The following MARCHF1 variants were observed in gnomAD, a reference collection of about 807,000 sequenced individuals.
The protein encoded by MARCHF1 is E3 ubiquitin-protein ligase MARCHF1.
In MARCHF1, 40 loss-of-function variants were observed where a neutral mutation model predicts 54.2. The observed-to-expected ratio is 0.74, with a 90% CI of 0.57 to 0.96. The LOEUF (loss-of-function observed/expected upper bound fraction) is 0.96, where lower values mean the gene tolerates loss of function less well. Ranked by LOEUF, MARCHF1 falls within the 40% of genes least tolerant of loss-of-function variation. The probability of loss-of-function intolerance (pLI) is 0.00; values close to 1 mark genes in which losing one functional copy is unlikely to be tolerated. For missense variants in MARCHF1, 586 were observed against 656.5 expected (o/e 0.89, Z 1.17); for synonymous variants, 236 against 236.3 (o/e 1.00, Z 0.01).
intron 3 of MARCHF1, among the ~76,000 whole-genome samples, chr4:163,960,561 A>G (rs1238052243): frequency 2.6e-5 from 4 of 151,970 alleles, no homozygotes; most frequent in Non-Finnish European, 5.9e-5. Context: ...AGGAATAGAA[A>G]ACAAAATACT....
chr4:163,737,164 CT>C (rs71925488), intron 4 of MARCHF1, among the ~76,000 whole-genome samples: 1,026 of 72,042 alleles, frequency 0.014, 42 homozygotes, highest in South Asian at 0.04. Context: ...TTTTTTCTTT[CT>C]TTTTTTTTTT....
chr4:163,557,534 A>T (rs531056470), intron 8 of MARCHF1, among the ~76,000 whole-genome samples: 1 of 152,194 alleles, frequency 6.6e-6, no homozygotes, highest in South Asian at 2.1e-4. Context: ...TCTATGTGAA[A>T]TTTTTTGAGA....
chr4:163,817,974 G>C (rs1439245842), intron 4 of MARCHF1, among the ~76,000 whole-genome samples: 51 of 109,366 alleles, frequency 4.7e-4, no homozygotes, highest in Non-Finnish European at 7.8e-4. Context: ...GGTGGGGGGA[G>C]GGGGGAGGGA....
chr4:163,955,446 C>T (rs1255401066), intron 3 of MARCHF1, among the ~76,000 whole-genome samples: 1 of 151,702 alleles, frequency 6.6e-6, no homozygotes, highest in Non-Finnish European at 1.5e-5. Context: ...GCAGAACACA[C>T]AGGCTTTCAG....
At chr4:164,346,029 T>C (rs1463651250) in intron 1 of MARCHF1, among the ~76,000 whole-genome samples, 1 of 152,152 alleles carries the variant, frequency 6.6e-6, no homozygotes, top group East Asian at 1.9e-4. Flanking sequence ...AAAATGAATG[T>C]TTTTCAGGCC....
intron 1 of MARCHF1, among the ~76,000 whole-genome samples, chr4:164,145,483 T>C (rs1034089231): frequency 3.3e-5 from 5 of 151,930 alleles, no homozygotes; most frequent in African/African-American, 1.2e-4. Flanking sequence ...CATGATCAAG[T>C]GGGCTTCATC....
intron 1 of MARCHF1, among the ~76,000 whole-genome samples, chr4:164,131,821 T>C (rs749852916): frequency 1.3e-5 from 2 of 152,140 alleles, no homozygotes; most frequent in Non-Finnish European, 2.9e-5. Flanking sequence ...TACATAAAAA[T>C]GTAATTTCTT....
intron 2 of MARCHF1, among the ~76,000 whole-genome samples, chr4:164,049,434 C>T (rs952256636): frequency 6.6e-6 from 1 of 151,116 alleles, no homozygotes; most frequent in Non-Finnish European, 1.5e-5. Context: ...GGAACAGATA[C>T]TATAATCTTT....
rs558155951 is a variant in MARCHF1 at position 164,195,373 on chromosome 4, G to A, written c.-322-83711C>T. Among the ~76,000 whole-genome samples the A allele has an allele frequency of 2.6e-5, 4 of 152,160 alleles. No homozygotes were observed. In the East Asian group the frequency reaches 5.8e-4, roughly 22 times the overall value. On this transcript the variant is annotated intron_variant, in intron 1 of 9. Transcript: ENST00000514618. Reference sequence around the variant, plus strand: ...TAAAAAGAGAAAATTTACTTTTTACGTTAATGGGAAATGTGATATTCAGAT... The same window carrying A: ...TAAAAAGAGAAAATTTACTTTTTACATTAATGGGAAATGTGATATTCAGAT...
chr4:163,843,070 C>T (rs1159374525), intron 4 of MARCHF1, among the ~76,000 whole-genome samples: 2 of 152,028 alleles, frequency 1.3e-5, no homozygotes, highest in African/African-American at 2.4e-5. Flanking sequence ...TTTGTGTCCA[C>T]GTGTATTCAG....
intron 4 of MARCHF1, among the ~76,000 whole-genome samples, chr4:163,702,646 G>A (rs1167158346): frequency 1.3e-5 from 2 of 152,106 alleles, no homozygotes; most frequent in African/African-American, 4.8e-5. Context: ...TTTACAATGT[G>A]TGAGTTCACC....
chr4:163,546,442 T>C (rs894907065), intron 8 of MARCHF1, among the ~76,000 whole-genome samples: 2 of 152,244 alleles, frequency 1.3e-5, no homozygotes, highest in African/African-American at 4.8e-5. Flanking sequence ...GGATTCTGCC[T>C]ATCACTTCCT....
In MARCHF1 at chr4:163,607,734, C is replaced by T. The variant is rs147531536; in HGVS notation, c.1010+4537G>A. 1.3e-3 allele frequency among the ~76,000 whole-genome samples: 200 copies of T among 152,146 alleles called. 2 individuals are homozygous for T. Among genetic ancestry groups the T allele is most frequent in the South Asian group, 6.8e-3 (33 of 4,820 alleles). On this transcript the variant is annotated intron_variant, in intron 7 of 9. Transcript: ENST00000514618. ...TCTCTTCCTATCTAAAGCATGGGAACGATTTGTAGCATAGAATAGTGTTTC... is the reference window on the plus strand; with the variant it reads ...TCTCTTCCTATCTAAAGCATGGGAATGATTTGTAGCATAGAATAGTGTTTC...
At chr4:164,241,868 ATG>A (rs1732771549) in intron 1 of MARCHF1, among the ~76,000 whole-genome samples, 1 of 152,188 alleles carries the variant, frequency 6.6e-6, no homozygotes, top group Admixed American at 6.5e-5. Flanking sequence ...GGGGTGACGG[ATG>A]GCACCTGGAA....
intron 5 of MARCHF1, among the ~76,000 whole-genome samples, chr4:163,658,471 C>T (rs1469585947): frequency 2.0e-5 from 3 of 151,996 alleles, no homozygotes; most frequent in Non-Finnish European, 4.4e-5. Flanking sequence ...ATTAGTTCAG[C>T]CAGTGTAGAA....
chr4:163,964,890 C>T (rs1158901352), intron 3 of MARCHF1, among the ~76,000 whole-genome samples: 1 of 151,910 alleles, frequency 6.6e-6, no homozygotes, highest in Admixed American at 6.6e-5. Context: ...TGATATTATT[C>T]TTGCATCAGC....
chr4:164,011,580 C>G (rs889269295), intron 2 of MARCHF1, among the ~76,000 whole-genome samples: 2 of 152,222 alleles, frequency 1.3e-5, no homozygotes, highest in Non-Finnish European at 1.5e-5. Flanking sequence ...CAAATATCAT[C>G]TCATCCCAGT....
At chr4:163,859,503 G>A (rs1213596159) in intron 3 of MARCHF1, among the ~76,000 whole-genome samples, 1 of 151,930 alleles carries the variant, frequency 6.6e-6, no homozygotes, top group Admixed American at 6.6e-5. Context: ...GGGATTACAG[G>A]TGCCTGCCAC....
chr4:163,931,249 G>T (rs768401181), intron 3 of MARCHF1, among the ~76,000 whole-genome samples: 2 of 152,048 alleles, frequency 1.3e-5, no homozygotes, highest in Non-Finnish European at 2.9e-5. Flanking sequence ...CCTGTCTATG[G>T]TATTTTTATT....
Sources: gnomAD v4.1 joint callset for allele counts (sites outside exome capture counted in the v4.1 genomes callset) on GRCh38, gnomAD v4.1.1 for gene constraint, MANE v1.5 for transcripts, NCBI Gene and HGNC (gene_info 2026-07-23, HGNC 2026-07-21) for gene names.